Variants in NBEA observed in about 807,000 individuals in gnomAD.
NBEA encodes lysosomal-trafficking regulator 2.
NBEA carries 44 observed loss-of-function variants against 343.4 expected under a neutral mutation model. The ratio of observed to expected loss-of-function variants is 0.13; its 90% CI spans 0.10 to 0.16. The LOEUF (loss-of-function observed/expected upper bound fraction) is 0.16. NBEA is among the 10% of genes least tolerant of loss of function. NBEA has a pLI of 1.00. For synonymous variants in NBEA, 1,175 were observed against 1,238.7 expected (o/e 0.95, Z 1.08); for missense variants, 2,555 against 3,631.3 (o/e 0.70, Z 7.62).
At chr13:35,276,957 T>G (rs550775048) in intron 34 of NBEA, among the ~76,000 whole-genome samples, 1 of 152,200 alleles carries the variant, frequency 6.6e-6, no homozygotes, top group Non-Finnish European at 1.5e-5. Context: ...AAGAAAACTT[T>G]AGAGAACGGT....
intron 1 of NBEA, among the ~76,000 whole-genome samples, chr13:34,978,060 G>T (rs1472604105): frequency 6.6e-6 from 1 of 152,142 alleles, no homozygotes; most frequent in Non-Finnish European, 1.5e-5. Context: ...TCCTGCCTTG[G>T]CCTCCCAAAG....
chr13:35,252,114 A>G (rs1434161294), intron 34 of NBEA, among the ~76,000 whole-genome samples: 2 of 152,188 alleles, frequency 1.3e-5, no homozygotes, highest in Non-Finnish European at 2.9e-5. Context: ...TCATAAAGGA[A>G]AGAGGTTTAA....
intron 27 of NBEA, among the ~76,000 whole-genome samples, chr13:35,175,838 C>T (rs2070857250): frequency 6.6e-6 from 1 of 151,944 alleles, no homozygotes; most frequent in African/African-American, 2.4e-5. Flanking sequence ...AATCCCATAC[C>T]TTCATGTGAC....
At chr13:35,142,821 T>C (rs979385174) in intron 18 of NBEA, among the ~76,000 whole-genome samples, 3 of 152,218 alleles carry the variant, frequency 2.0e-5, no homozygotes, top group African/African-American at 4.8e-5. Flanking sequence ...AAAAATGATA[T>C]CTGGAAGCAT....
Position 35,196,111 on chromosome 13 carries a change from G to A in NBEA, c.5175G>A (p.Thr1725=), listed in dbSNP as rs760852834. Residue 1725 remains threonine (T), a synonymous_variant, in exon 31 of 59, where the codon ACG becomes ACA. Coordinates refer to ENST00000379939, the MANE Select transcript of NBEA (RefSeq NM_001385012.1). ...QESLTENPSE[T]LKPATSISSI... ...GCTTAACTGAAAATCCTAGTGAAACGTTGAAGCCTGCAACATCCATATCTA... is the reference window on the plus strand; with the variant it reads ...GCTTAACTGAAAATCCTAGTGAAACATTGAAGCCTGCAACATCCATATCTA... 26 of 1,613,520 alleles carry A rather than the reference G, an allele frequency of 1.6e-5. No homozygotes were observed. Among genetic ancestry groups the A allele is most frequent in the African/African-American group, 8.0e-5 (6 of 74,914 alleles).
At chr13:35,268,616 C>T (rs1416200) in intron 34 of NBEA, among the ~76,000 whole-genome samples, 19,905 of 152,006 alleles carry the variant, frequency 0.13, 1,501 homozygotes, top group African/African-American at 0.2. Flanking sequence ...AAAAACCATG[C>T]AGCCCTGTTG....
intron 17 of NBEA, 86 bp downstream of exon 17, chr13:35,123,660 T>A (rs1274143421): frequency 1.3e-6 from 1 of 790,904 alleles, no homozygotes; most frequent in Non-Finnish European, 1.8e-6. Context: ...TAGCATGAAA[T>A]TTGACTTGAA....
At chr13:35,036,161 T>C (rs2062434847) in intron 1 of NBEA, among the ~76,000 whole-genome samples, 1 of 152,060 alleles carries the variant, frequency 6.6e-6, no homozygotes. Flanking sequence ...TGTGTGTCCA[T>C]TGTATAATTT....
chr13:34,949,748 A>AT (rs1189493416), intron 1 of NBEA, among the ~76,000 whole-genome samples: 15 of 152,136 alleles, frequency 9.9e-5, no homozygotes, highest in African/African-American at 3.1e-4. Flanking sequence ...AGTTAAATTC[A>AT]TTATATAGCT....
At chr13:35,268,925 T>G (rs545432236) in intron 34 of NBEA, among the ~76,000 whole-genome samples, 4 of 152,240 alleles carry the variant, frequency 2.6e-5, no homozygotes, top group African/African-American at 9.6e-5. Flanking sequence ...AGTGAAAATA[T>G]TCTTCAAAAA....
At chr13:35,340,644 CT>C (rs974173497) in intron 36 of NBEA, among the ~76,000 whole-genome samples, 1 of 151,832 alleles carries the variant, frequency 6.6e-6, no homozygotes, top group Non-Finnish European at 1.5e-5. Flanking sequence ...TACAATTAAA[CT>C]TTTTTTAAAA....
intron 41 of NBEA, among the ~76,000 whole-genome samples, chr13:35,543,659 C>A (rs2078935385): frequency 6.6e-6 from 1 of 152,090 alleles, no homozygotes; most frequent in African/African-American, 2.4e-5. Context: ...AGAGAAATAC[C>A]ATTTTTTATT....
Position 35,135,193 on chromosome 13 carries a change from C to T in NBEA, c.2337-7076C>T, listed in dbSNP as rs58909878. The stretch of plus-strand genomic sequence containing the variant: ...CAGAACTGTGTTTTGATATAGTTTC[C>T]GTGTAAACATTGGTGCATATAGCAT... On this transcript the variant is annotated intron_variant, in intron 17 of 58. Coordinates refer to ENST00000379939, the MANE Select transcript of NBEA (RefSeq NM_001385012.1). Among the ~76,000 whole-genome samples, 989 of 152,102 alleles carry T rather than the reference C, an allele frequency of 6.5e-3. 11 individuals carry two copies. Among genetic ancestry groups the T allele is most frequent in the African/African-American group, 0.023 (944 of 41,546 alleles).
intron 38 of NBEA, among the ~76,000 whole-genome samples, chr13:35,367,788 A>G (rs1787511061): frequency 6.6e-6 from 1 of 151,472 alleles, no homozygotes; most frequent in African/African-American, 2.4e-5. Context: ...AATATGCCAA[A>G]TATAAACTAT....
chr13:35,039,712 A>G (rs1593549107), intron 1 of NBEA, among the ~76,000 whole-genome samples: 2 of 152,288 alleles, frequency 1.3e-5, no homozygotes, highest in African/African-American at 2.4e-5. Context: ...TATTTACATC[A>G]TATTCTGTGG....
intron 30 of NBEA, among the ~76,000 whole-genome samples, chr13:35,190,672 C>T (rs1166627102): frequency 6.6e-6 from 1 of 152,102 alleles, no homozygotes; most frequent in African/African-American, 2.4e-5. Context: ...GTCAGATTTT[C>T]ATGATTGCCA....
intron 35 of NBEA, among the ~76,000 whole-genome samples, chr13:35,299,354 T>G (rs557101155): frequency 6.6e-6 from 1 of 152,276 alleles, no homozygotes; most frequent in South Asian, 2.1e-4. Context: ...TACATTGAGT[T>G]GACATAGATG....
chr13:35,231,040 TA>T (rs2074943436), intron 33 of NBEA, among the ~76,000 whole-genome samples: 1 of 152,094 alleles, frequency 6.6e-6, no homozygotes, highest in Non-Finnish European at 1.5e-5. Context: ...TTAATTTCAG[TA>T]AGTCTGCCAA....
chr13:35,326,809 C>T (rs979084930), intron 36 of NBEA, among the ~76,000 whole-genome samples: 21 of 151,922 alleles, frequency 1.4e-4, no homozygotes, highest in African/African-American at 4.8e-4. Context: ...AAACTAAGAG[C>T]TCCAGCACAG....
Sources: gnomAD v4.1 joint callset for allele counts (sites outside exome capture counted in the v4.1 genomes callset) on GRCh38, gnomAD v4.1.1 for gene constraint, MANE v1.5 for transcripts, NCBI Gene and HGNC (gene_info 2026-07-23, HGNC 2026-07-21) for gene names.